The following LRMDA variants were observed in gnomAD, a reference collection of about 807,000 sequenced individuals.
The protein encoded by LRMDA is leucine-rich melanocyte differentiation-associated protein.
In LRMDA, 18 loss-of-function variants were observed where a neutral mutation model predicts 29.8. The observed-to-expected ratio is 0.60, with a 90% CI of 0.42 to 0.90. The LOEUF (loss-of-function observed/expected upper bound fraction) is 0.90, where lower values mean the gene tolerates loss of function less well. Among genes scored for constraint, LRMDA ranks in the 40% least tolerant of loss-of-function variants. LRMDA has a pLI of 0.00. For synonymous variants in LRMDA, 125 were observed against 109.4 expected (o/e 1.14, Z -0.89); for missense variants, 273 against 273.9 (o/e 1.00, Z 0.02).
At chr10:75,751,089 A>C (rs1299720567) in intron 2 of LRMDA, among the ~76,000 whole-genome samples, 1 of 152,234 alleles carries the variant, frequency 6.6e-6, no homozygotes, top group African/African-American at 2.4e-5. Context: ...TGAGGCGGGC[A>C]GATCACTCGC....
chr10:75,897,903 A>G (rs1251878872), intron 2 of LRMDA, among the ~76,000 whole-genome samples: 3 of 138,330 alleles, frequency 2.2e-5, no homozygotes, highest in Admixed American at 1.7e-4. Flanking sequence ...GCTCACTGCA[A>G]CCTCCACCTC....
intron 2 of LRMDA, among the ~76,000 whole-genome samples, chr10:75,756,864 A>G (rs1221108403): frequency 2.0e-5 from 3 of 152,328 alleles, no homozygotes; most frequent in Non-Finnish European, 2.9e-5. Context: ...TCACTGTTGA[A>G]TTGCCACATT....
At position 75,949,202 on chromosome 10, in the gene LRMDA, G is replaced by A. The variant is rs1290273245; in HGVS notation, c.132-86806G>A. Among the ~76,000 whole-genome samples the A allele has an allele frequency of 2.6e-5, 4 of 152,286 alleles. No individual in the cohort carries two copies. In the South Asian group the frequency reaches 8.3e-4, roughly 32 times the overall value. ...GTGGGTGTTTAGGAGGGGTGTCCTG[G>A]AATACCAGAAGCAGCTGGCCACTTG... On this transcript the variant is annotated intron_variant, in intron 2 of 6. Transcript: ENST00000611255.
chr10:76,408,418 C>T (rs1189827238), intron 6 of LRMDA, among the ~76,000 whole-genome samples: 1 of 152,098 alleles, frequency 6.6e-6, no homozygotes, highest in Non-Finnish European at 1.5e-5. Flanking sequence ...GCATAATTCT[C>T]ATTGATTATG....
At chr10:76,410,468 C>G (rs755781532) in intron 6 of LRMDA, among the ~76,000 whole-genome samples, 4 of 151,728 alleles carry the variant, frequency 2.6e-5, no homozygotes, top group Non-Finnish European at 5.9e-5. Flanking sequence ...ACCAACATGC[C>G]TGGCTAGGTT....
intron 6 of LRMDA, among the ~76,000 whole-genome samples, chr10:76,469,233 C>G (rs1391594505): frequency 6.6e-6 from 1 of 152,116 alleles, no homozygotes; most frequent in African/African-American, 2.4e-5. Flanking sequence ...CCCCTCATCT[C>G]CCAATCAAGG....
chr10:75,560,395 CTT>C (rs1255711039), intron 2 of LRMDA, among the ~76,000 whole-genome samples: 11 of 150,548 alleles, frequency 7.3e-5, no homozygotes, highest in Non-Finnish European at 1.0e-4. Flanking sequence ...TATCCTGAGA[CTT>C]TGCTGAAGTT....
chr10:76,244,057 G>A (rs1852328945), intron 5 of LRMDA, among the ~76,000 whole-genome samples: 1 of 152,138 alleles, frequency 6.6e-6, no homozygotes, highest in African/African-American at 2.4e-5. Context: ...ATAGATTTCT[G>A]TTGTTTTAAG....
chr10:75,551,577 T>C (rs914993643), intron 2 of LRMDA, among the ~76,000 whole-genome samples: 2 of 150,844 alleles, frequency 1.3e-5, no homozygotes, highest in African/African-American at 4.9e-5. Flanking sequence ...AATGAGAACA[T>C]GTGGTGTTTG....
intron 2 of LRMDA, among the ~76,000 whole-genome samples, chr10:75,466,705 G>T (rs1844654930): frequency 6.6e-6 from 1 of 152,056 alleles, no homozygotes; most frequent in African/African-American, 2.4e-5. Flanking sequence ...TTCCATCTGA[G>T]GTGATGTGGC....
intron 5 of LRMDA, among the ~76,000 whole-genome samples, chr10:76,118,295 G>A (rs1366613114): frequency 6.6e-6 from 1 of 152,180 alleles, no homozygotes; most frequent in Non-Finnish European, 1.5e-5. Context: ...AACTTAGGGA[G>A]AATCACATCT....
intron 5 of LRMDA, among the ~76,000 whole-genome samples, chr10:76,059,704 A>G (rs1898065): frequency 0.96 from 145,965 of 152,324 alleles, 69,993 homozygotes; most frequent in East Asian, 1. Flanking sequence ...TGCATTGGAA[A>G]TGATTAAAGG....
intron 2 of LRMDA, among the ~76,000 whole-genome samples, chr10:75,932,530 T>G (rs995156410): frequency 6.6e-6 from 1 of 152,114 alleles, no homozygotes; most frequent in Admixed American, 6.6e-5. Flanking sequence ...GGAGATCACT[T>G]GAGTCCAAGA....
intron 6 of LRMDA, among the ~76,000 whole-genome samples, chr10:76,337,173 A>G (rs1043097138): frequency 6.6e-6 from 1 of 152,176 alleles, no homozygotes; most frequent in Non-Finnish European, 1.5e-5. Context: ...CATTCAAGAG[A>G]TATCTATAGA....
At chr10:76,224,565 C>T (rs1851914444) in intron 5 of LRMDA, among the ~76,000 whole-genome samples, 1 of 151,190 alleles carries the variant, frequency 6.6e-6, no homozygotes, top group African/African-American at 2.4e-5. Flanking sequence ...GAGCCAGACC[C>T]TGTCTCAAAA....
intron 2 of LRMDA, among the ~76,000 whole-genome samples, chr10:75,650,922 G>C (rs867820299): frequency 6.6e-6 from 1 of 152,058 alleles, no homozygotes; most frequent in Non-Finnish European, 1.5e-5. Context: ...ATAGATGGTC[G>C]CCCCAGCATC....
intron 1 of LRMDA, among the ~76,000 whole-genome samples, chr10:75,434,660 C>T (rs1026081999): frequency 6.6e-6 from 1 of 152,218 alleles, no homozygotes; most frequent in African/African-American, 2.4e-5. Flanking sequence ...AATCATAGCT[C>T]ACTGCAGCCT....
intron 2 of LRMDA, among the ~76,000 whole-genome samples, chr10:75,513,094 G>T (rs1364953006): frequency 6.6e-6 from 1 of 152,138 alleles, no homozygotes; most frequent in Non-Finnish European, 1.5e-5. Flanking sequence ...CTTACCACTT[G>T]GGGTAGTTAC....
At chr10:75,502,747 G>A (rs112640337) in intron 2 of LRMDA, among the ~76,000 whole-genome samples, 1,827 of 152,202 alleles carry the variant, frequency 0.012, 22 homozygotes, top group Admixed American at 0.026. Flanking sequence ...TTTTATATTT[G>A]TTTATTTTTA....
Sources: allele counts gnomAD v4.1 joint callset (sites outside exome capture counted in the v4.1 genomes callset), GRCh38; gene constraint gnomAD v4.1.1; transcripts MANE v1.5; gene names NCBI Gene and HGNC (gene_info 2026-07-23, HGNC 2026-07-21).